ZDHHC17: variants seen among roughly 807,000 people sequenced by gnomAD.
ZDHHC17 encodes the protein zDHHC palmitoyltransferase 17.
In ZDHHC17, 40 loss-of-function variants were observed where a neutral mutation model predicts 90.3. That is an observed-to-expected ratio of 0.44 (90% CI 0.34 to 0.58). The LOEUF (loss-of-function observed/expected upper bound fraction) is 0.58. ZDHHC17 is among the 20% of genes least tolerant of loss of function. ZDHHC17 has a pLI of 0.01. For missense variants in ZDHHC17, 614 were observed against 780.8 expected (o/e 0.79, Z 2.55); for synonymous variants, 235 against 252.4 (o/e 0.93, Z 0.65).
At chr12:76,808,942 A>G (rs1952987823) in intron 3 of ZDHHC17, 101 bp from the exon 4 acceptor site, 1 of 642,514 alleles carries the variant, frequency 1.6e-6, no homozygotes, top group Non-Finnish European at 2.3e-6. Context: ...TCAAACTAGC[A>G]TGAGATCTGA....
chr12:76,766,527 C>T (rs368518260), intron 1 of ZDHHC17, among the ~76,000 whole-genome samples: 1 of 152,180 alleles, frequency 6.6e-6, no homozygotes, highest in African/African-American at 2.4e-5. Context: ...TTAAAATAAG[C>T]AGTGTTTTCA....
intron 1 of ZDHHC17, among the ~76,000 whole-genome samples, chr12:76,788,688 A>ATATATTTTTTTTTT (rs61663401): frequency 4.1e-5 from 4 of 98,666 alleles, no homozygotes; most frequent in South Asian, 3.4e-4. Flanking sequence ...TGGAATCGCA[A>ATATATTTTTTTTTT]TTTTTTTTTT....
At chr12:76,797,327 G>A in intron 1 of ZDHHC17, 107 bp from the exon 2 acceptor site, 1 of 624,314 alleles carries the variant, frequency 1.6e-6, no homozygotes, top group East Asian at 3.2e-5. Flanking sequence ...AATTATTTCA[G>A]TAATTAGCAT....
At chr12:76,834,266 C>T (rs971789274) in intron 10 of ZDHHC17, among the ~76,000 whole-genome samples, 6 of 152,072 alleles carry the variant, frequency 3.9e-5, no homozygotes, top group Non-Finnish European at 5.9e-5. Flanking sequence ...CTAAAATTGA[C>T]TGACATAGTA....
intron 1 of ZDHHC17, among the ~76,000 whole-genome samples, chr12:76,791,578 A>G (rs894665351): frequency 1.1e-4 from 17 of 152,226 alleles, no homozygotes; most frequent in African/African-American, 4.1e-4. Context: ...AATACCATAA[A>G]TTTAATAGAA....
intron 12 of ZDHHC17, chr12:76,844,241 A>G (rs1036042823): frequency 2.6e-5 from 4 of 152,180 alleles, no homozygotes; most frequent in African/African-American, 4.8e-5. Flanking sequence ...TCATCATAGC[A>G]TAAATGTTTT....
intron 5 of ZDHHC17, 91 bp from the exon 6 acceptor site, chr12:76,815,055 T>C (rs1211976402): frequency 1.3e-6 from 1 of 780,864 alleles, no homozygotes; most frequent in Non-Finnish European, 2.0e-6. Flanking sequence ...TATTCGCTTC[T>C]CCTTTTATAT....
intron 1 of ZDHHC17, among the ~76,000 whole-genome samples, chr12:76,783,576 G>A (rs1326323633): frequency 6.6e-6 from 1 of 152,222 alleles, no homozygotes; most frequent in Non-Finnish European, 1.5e-5. Context: ...AGATTTGGAT[G>A]GGGACACAGA....
intron 1 of ZDHHC17, among the ~76,000 whole-genome samples, chr12:76,767,018 CAAAA>C (rs375447750): frequency 1.2e-5 from 1 of 85,874 alleles, no homozygotes; most frequent in Admixed American, 1.4e-4. Flanking sequence ...GATTATGTCT[CAAAA>C]AAAAAAAAAA....
At chr12:76,820,201 G>A (rs1403576930) in intron 7 of ZDHHC17, among the ~76,000 whole-genome samples, 1 of 151,958 alleles carries the variant, frequency 6.6e-6, no homozygotes, top group Non-Finnish European at 1.5e-5. Flanking sequence ...ATTCTTCTGG[G>A]AGGAAGAAAA....
At chr12:76,844,899 T>G (rs1044734170) in intron 12 of ZDHHC17, 1 of 152,190 alleles carries the variant, frequency 6.6e-6, no homozygotes, top group Non-Finnish European at 1.5e-5. Context: ...GCCAGCCCTT[T>G]GAAGATCACC....
chr12:76,820,975 A>G, intron 7 of ZDHHC17: 1 of 838,936 alleles, frequency 1.2e-6, no homozygotes, highest in Non-Finnish European at 1.7e-6. Flanking sequence ...TACCAGCTGA[A>G]TAAAAGAACT....
intron 1 of ZDHHC17, among the ~76,000 whole-genome samples, chr12:76,774,309 T>C (rs748798204): frequency 1.1e-4 from 17 of 149,158 alleles, no homozygotes; most frequent in Middle Eastern, 3.4e-3. Context: ...TATATATATA[T>C]ACACACACAC....
chr12:76,841,856 A>C, intron 10 of ZDHHC17, 126 bp from the exon 11 acceptor site: 2 of 640,192 alleles, frequency 3.1e-6, no homozygotes, highest in Non-Finnish European at 2.2e-6. Context: ...GTAGTTATAA[A>C]CATAATGCAG....
chr12:76,772,803 C>T lies in ZDHHC17; in HGVS notation c.93+8474C>T, dbSNP rs145988324. On this transcript the variant is annotated intron_variant, in intron 1 of 16. Coordinates refer to ENST00000426126, the MANE Select transcript of ZDHHC17 (RefSeq NM_015336.4). ...CTCGTGATCCACCCGCCTCGGCCTC[C>T]CAAAGTGCTGGGATTACAGGCGTGA... Among the ~76,000 whole-genome samples, 297 of 151,896 alleles carry T rather than the reference C, an allele frequency of 2.0e-3. 7 individuals are homozygous for T. In the East Asian group the frequency reaches 0.048, roughly 25 times the overall value.
intron 8 of ZDHHC17, among the ~76,000 whole-genome samples, chr12:76,822,883 A>AT (rs953522295): frequency 3.1e-4 from 47 of 152,012 alleles, no homozygotes; most frequent in African/African-American, 1.1e-3. Flanking sequence ...TCGATATATA[A>AT]TTTTTTAAGT....
At chr12:76,815,780 T>C in intron 6 of ZDHHC17, 77 bp from the exon 7 acceptor site, 1 of 1,389,348 alleles carries the variant, frequency 7.2e-7, no homozygotes, top group Non-Finnish European at 9.5e-7. Flanking sequence ...GCATAATCAG[T>C]TTAGTATTTG....
intron 1 of ZDHHC17, among the ~76,000 whole-genome samples, chr12:76,784,103 A>C (rs566121409): frequency 3.2e-4 from 49 of 152,382 alleles, no homozygotes; most frequent in African/African-American, 1.2e-3. Flanking sequence ...TTAGAGCAAC[A>C]GTACTAAACT....
At chr12:76,765,242 A>C (rs533533087) in intron 1 of ZDHHC17, among the ~76,000 whole-genome samples, 2 of 152,350 alleles carry the variant, frequency 1.3e-5, no homozygotes, top group Non-Finnish European at 2.9e-5. Flanking sequence ...CAAACATGGA[A>C]GTCTCTACCT....
Sources: allele counts gnomAD v4.1 joint callset (sites outside exome capture counted in the v4.1 genomes callset), GRCh38; gene constraint gnomAD v4.1.1; transcripts MANE v1.5; gene names NCBI Gene and HGNC (gene_info 2026-07-23, HGNC 2026-07-21).